Variants in NOTCH3 observed in about 807,000 individuals in gnomAD.
NOTCH3 encodes notch receptor 3.
A neutral mutation model predicts 213.3 loss-of-function variants in NOTCH3; 86 were observed. The observed-to-expected ratio is 0.40, with a 90% CI of 0.34 to 0.48. The LOEUF (loss-of-function observed/expected upper bound fraction) is 0.48. NOTCH3 is among the 20% of genes least tolerant of loss of function. The pLI, the probability that NOTCH3 is intolerant of heterozygous loss-of-function variation, is 0.57. For synonymous variants in NOTCH3, 1,354 were observed against 1,355.9 expected (o/e 1.00, Z 0.03); for missense variants, 2,783 against 3,272.6 (o/e 0.85, Z 3.65).
At position 15,161,427 on chromosome 19, in the gene NOTCH3, G is replaced by A. The variant is rs994660882; in HGVS notation, c.6201C>T (p.Pro2067=). Residue 2067 remains proline, a synonymous_variant, in exon 33 of 33, where the codon CCC becomes CCT. Transcript: ENST00000263388. ...QSGSKKSRRP[P]GKAGLGPQGP... is the part of the protein sequence containing the mutation. ...CCTGCGGCCCCAGCCCCGCCTTCCC[G>A]GGGGGCCTCCTGCTCTTCTTGGACC... 1.2e-5 allele frequency: 19 copies of A among 1,533,538 alleles called. No homozygotes were observed. The highest frequency in any genetic ancestry group is 4.8e-5 in the South Asian group (4 of 83,140). The allele number at this position is 1,533,538 out of a possible 1,614,324, so 95.0% of individuals were successfully genotyped here. A position where few individuals can be genotyped will look rare whatever the true frequency, so the allele number is the denominator to read the frequency against.
chr19:15,195,283 G>T (rs943237818), intron 2 of NOTCH3, among the ~76,000 whole-genome samples: 1 of 152,072 alleles, frequency 6.6e-6, no homozygotes, highest in Admixed American at 6.6e-5. Flanking sequence ...TCTTGGGGGG[G>T]TGGTCCTTCA....
chr19:15,181,007 C>A lies in NOTCH3; in HGVS notation c.2948G>T (p.Gly983Val). ...GCTCTCGAGGCAGGTGCAGCGGAAG[C>A]CAGGGTGGGCGGCGCTGCAGACGCC... Reference protein sequence around the residue: ...HGGVCSAAHPGFRCTCLESFT... With the variant: ...HGGVCSAAHPVFRCTCLESFT... The change falls in exon 18 of 33, where the codon GGC becomes GTC. Residue 983 changes from glycine (G) to valine (V), a missense_variant. Gly to Val is a moderately radical substitution (Grantham distance 109). Around this residue, in one of 6 missense-constraint regions of NOTCH3, gnomAD observed 861 missense variants for 909.1 expected, o/e 0.95. Transcript: ENST00000263388. 6.3e-7 allele frequency: 1 copy of A among 1,598,192 alleles called. No homozygotes were observed. The highest frequency in any genetic ancestry group is 8.5e-7 in the Non-Finnish European group (1 of 1,173,506).
Position 15,160,081 on chromosome 19 carries a change from AG to A in NOTCH3, c.*580del. 1 of 233,802 alleles carries A rather than the reference AG, an allele frequency of 4.3e-6. No homozygotes were observed. Among genetic ancestry groups the A allele is most frequent in the Non-Finnish European group, 8.5e-6 (1 of 118,192 alleles). 14.5% of individuals were successfully genotyped at this position (233,802 alleles called of 1,614,324 possible). ...CCCCTGGCCCCAGTGGGTGCGCCCA[AG>A]GGTGCCTACTTGGTACATACCTGGG... is the stretch of plus-strand genomic sequence containing the variant. On this transcript the variant is annotated 3_prime_UTR_variant, in exon 33 of 33. Transcript: ENST00000263388.
Position 15,179,375 on chromosome 19 carries a change from G to A in NOTCH3, c.3449C>T (p.Pro1150Leu), listed in dbSNP as rs1401733240. Residue 1150 changes from proline (P) to leucine (L), a missense_variant, in exon 21 of 33, where the codon CCA becomes CTA. Pro to Leu is a moderately conservative substitution (Grantham distance 98). Coordinates refer to ENST00000263388, the MANE Select transcript of NOTCH3 (RefSeq NM_000435.3). ...LVARYLCSCP[P>L]GTLGVLCEIN... The stretch of plus-strand genomic sequence containing the variant: ...TGGCCCTGGCATACCCAGCGTTCCT[G>A]GGGGACAGGAGCAGAGATAGCGGGC... 6.2e-7 allele frequency: 1 copy of A among 1,613,974 alleles called. No homozygotes were observed. The highest frequency in any genetic ancestry group is 8.5e-7 in the Non-Finnish European group (1 of 1,180,042).
chr19:15,171,914 G>C (rs1281879757), intron 25 of NOTCH3, among the ~76,000 whole-genome samples: 1 of 151,330 alleles, frequency 6.6e-6, no homozygotes, highest in East Asian at 1.9e-4. Context: ...TGCTTGTTTT[G>C]AGACAGAGTT....
chr19:15,160,326 A>T lies in NOTCH3; in HGVS notation c.*336T>A. 3.8e-6 allele frequency: 1 copy of T among 266,162 alleles called. No individual in the cohort carries two copies. The highest frequency in any genetic ancestry group is 7.1e-6 in the Non-Finnish European group (1 of 141,490). The allele number at this position is 266,162 out of a possible 1,614,324, so 16.5% of individuals were successfully genotyped here. ...AAATGTAAAAAAAAAAAGAAAAATA[A>T]AAATAATAATAATTCATTCATGTCA... On this transcript the variant is annotated 3_prime_UTR_variant, in exon 33 of 33. Coordinates refer to ENST00000263388, the MANE Select transcript of NOTCH3 (RefSeq NM_000435.3).
At chr19:15,169,182 ATCTGTCTCTCTCTCTCTCTC>A (rs2046709256) in intron 28 of NOTCH3, among the ~76,000 whole-genome samples, 2 of 125,422 alleles carry the variant, frequency 1.6e-5, no homozygotes, top group African/African-American at 3.1e-5. Context: ...GGGATGTCAA[ATCTGTCTCTCTCTCTCTCTC>A]TCTCTCTCTC....
At chr19:15,188,535 T>C (rs1165164529) in intron 8 of NOTCH3, among the ~76,000 whole-genome samples, 187 bp from the exon 9 acceptor site, 1 of 152,116 alleles carries the variant, frequency 6.6e-6, no homozygotes, top group Admixed American at 6.6e-5. Flanking sequence ...TGGTCCCAAC[T>C]GGCCCAAGGC....
intron 29 of NOTCH3, 32 bp from the exon 30 acceptor site, chr19:15,166,123 T>C (rs1396738310): frequency 6.3e-7 from 1 of 1,587,432 alleles, no homozygotes; most frequent in Non-Finnish European, 8.7e-7. Context: ...AGCAGGAAGG[T>C]AAACACAGGG....
Position 15,192,100 on chromosome 19 carries a change from G to A in NOTCH3, c.539C>T (p.Ser180Phe), listed in dbSNP as rs1475080033. ...HGGTCLNTPG[S>F]FRCQCPAGYT... ...GCCAGCTGGACACTGGCAGCGGAAG[G>A]AGCCAGGTGTGTTGAGGCAGGTGCC... The change falls in exon 4 of 33, where the codon TCC becomes TTC. Residue 180 changes from serine to phenylalanine, a missense_variant. By Grantham distance (155) the Ser-to-Phe change is radical. Coordinates refer to ENST00000263388, the MANE Select transcript of NOTCH3 (RefSeq NM_000435.3). The A allele has an allele frequency of 6.2e-7, 1 of 1,613,026 alleles. No homozygotes were observed. The highest frequency in any genetic ancestry group is 2.2e-5 in the East Asian group (1 of 44,878).
chr19:15,188,158 T>C (rs1008607837), intron 9 of NOTCH3, 77 bp downstream of exon 9: 43 of 1,171,468 alleles, frequency 3.7e-5, no homozygotes, highest in Non-Finnish European at 4.8e-5. Context: ...GCTAACGTGG[T>C]TTTACAGGTT....
At chr19:15,187,377 G>T in intron 10 of NOTCH3, 39 bp from the exon 11 acceptor site, 1 of 1,580,276 alleles carries the variant, frequency 6.3e-7, no homozygotes. Context: ...CCACTTGCCA[G>T]GGGCCTGCCC....
chr19:15,161,832 G>C lies in NOTCH3; in HGVS notation c.5914-118C>G, dbSNP rs1436428682. On this transcript the variant is annotated intron_variant, in intron 32 of 32. Coordinates refer to ENST00000263388, the MANE Select transcript of NOTCH3 (RefSeq NM_000435.3). ...TGTACACTGGAGCTTGACAGACCTG[G>C]GTTAAATCCCGGCTGTGCTGGGGGA... 4.7e-6 allele frequency: 4 copies of C among 850,890 alleles called. No homozygotes were observed. The African/African-American group carries it at 6.7e-5, about 14-fold the overall frequency. The allele number at this position is 850,890 out of a possible 1,614,324, so 52.7% of individuals were successfully genotyped here. A position where few individuals can be genotyped will look rare whatever the true frequency, so the allele number is the denominator to read the frequency against.
At chr19:15,177,104 C>T (rs2046797257) in intron 24 of NOTCH3, among the ~76,000 whole-genome samples, 1 of 143,346 alleles carries the variant, frequency 7.0e-6, no homozygotes, top group African/African-American at 2.6e-5. Flanking sequence ...AGGAATTCGG[C>T]TGGGCACGGT....
chr19:15,197,456 C>T (rs1269698415), intron 2 of NOTCH3, 44 bp downstream of exon 2: 1 of 1,122,818 alleles, frequency 8.9e-7, no homozygotes, highest in Admixed American at 1.8e-5. Flanking sequence ...TCCCCCCCGC[C>T]CCCACACACA....
chr19:15,195,622 A>G (rs942802363), intron 2 of NOTCH3, among the ~76,000 whole-genome samples: 24 of 148,338 alleles, frequency 1.6e-4, no homozygotes, highest in Non-Finnish European at 2.7e-4. Context: ...GGCACGGCCG[A>G]GCAAGCAAGG....
At chr19:15,162,675 C>T (rs540500585) in intron 31 of NOTCH3, 113 bp from the exon 32 acceptor site, 28 of 758,558 alleles carry the variant, frequency 3.7e-5, no homozygotes, top group Admixed American at 6.0e-5. Flanking sequence ...GCAGGCCTGC[C>T]GTGAATATCC....
At chr19:15,170,636 G>GACC in intron 26 of NOTCH3, 35 bp downstream of exon 26, 3 of 909,242 alleles carry the variant, frequency 3.3e-6, no homozygotes, top group Non-Finnish European at 4.8e-6. Context: ...CCCCAGCTCC[G>GACC]CCCCCGCCAC....
rs1043996 is a variant in NOTCH3, at chr19:15,184,323, G to A, written c.2538C>T (p.Cys846=). The change falls in exon 16 of 33, where the codon TGC becomes TGT. Residue 846 remains cysteine (C), a synonymous_variant. Coordinates refer to ENST00000263388, the MANE Select transcript of NOTCH3 (RefSeq NM_000435.3). ...GGTCACAGTCATTGATGTCCTGATCGCAGGAAGGGCCAGTGTACCCTCCAT... is the reference window on the plus strand; with the variant it reads ...GGTCACAGTCATTGATGTCCTGATCACAGGAAGGGCCAGTGTACCCTCCAT... The part of the protein sequence containing the change: ...TCHGGYTGPS[C]DQDINDCDPN... The A allele has an allele frequency of 0.68, 1,100,455 of 1,613,270 alleles. 385,251 individuals carry two copies. Among genetic ancestry groups the A allele is most frequent in the Non-Finnish European group, 0.72 (850,118 of 1,179,570 alleles).
Sources: allele counts gnomAD v4.1 joint callset (sites outside exome capture counted in the v4.1 genomes callset), GRCh38; gene constraint gnomAD v4.1.1; regional missense constraint gnomAD v4.1.1; transcripts MANE v1.5; gene names NCBI Gene and HGNC (gene_info 2026-07-23, HGNC 2026-07-21).